DPP10: variants seen among roughly 807,000 people sequenced by gnomAD.
DPP10 encodes dipeptidyl peptidase like 10.
In DPP10, 33 loss-of-function variants were observed where a neutral mutation model predicts 120.9. That is an observed-to-expected ratio of 0.27 (90% CI 0.21 to 0.37). The LOEUF is 0.37. Ranked by LOEUF, DPP10 falls within the 10% of genes least tolerant of loss-of-function variation. The pLI, the probability that DPP10 is intolerant of heterozygous loss-of-function variation, is 1.00. For missense variants in DPP10, 816 were observed against 942.8 expected, an observed-to-expected ratio of 0.87 and a Z score of 1.76; for synonymous variants, 337 against 326.1, an observed-to-expected ratio of 1.03 and a Z score of -0.36.
intron 1 of DPP10, among the ~76,000 whole-genome samples, chr2:115,180,717 C>T (rs2105139167): frequency 6.6e-6 from 1 of 152,260 alleles, no homozygotes; most frequent in Non-Finnish European, 1.5e-5. Context: ...TAGAAATGTA[C>T]ATATGTATGT....
At chr2:115,638,482 C>G (rs12105131) in intron 5 of DPP10, among the ~76,000 whole-genome samples, 13,144 of 152,218 alleles carry the variant, frequency 0.086, 579 homozygotes, top group South Asian at 0.095. Flanking sequence ...GAAAGAGCAG[C>G]TGTTTTTGTG....
chr2:114,927,062 A>C (rs962383008), intron 1 of DPP10, among the ~76,000 whole-genome samples: 3 of 151,732 alleles, frequency 2.0e-5, no homozygotes, highest in Non-Finnish European at 4.4e-5. Flanking sequence ...TGTTAGCCAG[A>C]ATGGTCTCGA....
intron 1 of DPP10, among the ~76,000 whole-genome samples, chr2:114,920,751 G>A (rs188403946): frequency 6.6e-6 from 1 of 152,090 alleles, no homozygotes; most frequent in Non-Finnish European, 1.5e-5. Flanking sequence ...GACCTCCCTT[G>A]TGGCTAATCA....
chr2:115,094,630 T>C (rs1028274683), intron 1 of DPP10, among the ~76,000 whole-genome samples: 1 of 152,150 alleles, frequency 6.6e-6, no homozygotes, highest in Admixed American at 6.6e-5. Context: ...AAACAGTAGC[T>C]CCATGAGTAT....
intron 1 of DPP10, among the ~76,000 whole-genome samples, chr2:114,643,772 G>A (rs1486902238): frequency 6.6e-6 from 1 of 151,448 alleles, no homozygotes; most frequent in African/African-American, 2.4e-5. Flanking sequence ...TTTATTTATT[G>A]GAAGATTCAT....
chr2:115,110,131 C>T (rs956156620), intron 1 of DPP10, among the ~76,000 whole-genome samples: 11 of 152,226 alleles, frequency 7.2e-5, no homozygotes, highest in Non-Finnish European at 1.5e-4. Context: ...ATAATTACCT[C>T]TCGATTTCCC....
At chr2:114,905,737 A>T (rs1426926483) in intron 1 of DPP10, among the ~76,000 whole-genome samples, 2 of 152,118 alleles carry the variant, frequency 1.3e-5, no homozygotes, top group Non-Finnish European at 2.9e-5. Flanking sequence ...TTGTAGAAAC[A>T]GGGTCTCATT....
intron 1 of DPP10, among the ~76,000 whole-genome samples, chr2:115,071,914 A>G (rs538692599): frequency 3.3e-5 from 5 of 152,314 alleles, no homozygotes; most frequent in African/African-American, 9.6e-5. Flanking sequence ...TTTCTTGGCA[A>G]TGACACTGAG....
intron 1 of DPP10, among the ~76,000 whole-genome samples, chr2:114,602,907 A>G (rs186614218): frequency 1.9e-4 from 29 of 152,202 alleles, no homozygotes; most frequent in Admixed American, 7.9e-4. Context: ...CAGTGTATAA[A>G]TTTGAGTTTG....
chr2:115,649,201 T>C (rs2087537360), intron 5 of DPP10, among the ~76,000 whole-genome samples: 1 of 152,110 alleles, frequency 6.6e-6, no homozygotes, highest in African/African-American at 2.4e-5. Context: ...TGCTTATAAA[T>C]GGCTCAAGTG....
chr2:115,251,638 A>C (rs1482109304), intron 1 of DPP10, among the ~76,000 whole-genome samples: 4 of 152,216 alleles, frequency 2.6e-5, no homozygotes, highest in Non-Finnish European at 4.4e-5. Context: ...GAGAATGTGA[A>C]AAAGAATTAT....
chr2:115,314,867 A>G (rs2061718848), intron 2 of DPP10, among the ~76,000 whole-genome samples: 1 of 152,198 alleles, frequency 6.6e-6, no homozygotes, highest in Non-Finnish European at 1.5e-5. Flanking sequence ...AAAAATCAAC[A>G]AAAGAAACCA....
chr2:114,940,229 G>GT (rs752111483), intron 1 of DPP10, among the ~76,000 whole-genome samples: 7 of 151,982 alleles, frequency 4.6e-5, no homozygotes, highest in African/African-American at 1.5e-4. Context: ...GCCTATAACT[G>GT]TAACACTGTG....
chr2:115,695,843 A>G (rs959522386), intron 7 of DPP10, among the ~76,000 whole-genome samples: 1 of 152,202 alleles, frequency 6.6e-6, no homozygotes, highest in Non-Finnish European at 1.5e-5. Context: ...AAATAATGGA[A>G]GTCATGGAAA....
intron 1 of DPP10, among the ~76,000 whole-genome samples, chr2:115,287,895 C>A (rs187547363): frequency 1.2e-3 from 176 of 152,208 alleles, no homozygotes; most frequent in African/African-American, 3.9e-3. Context: ...AATGGTATTT[C>A]CATTTTATTT....
chr2:114,659,367 G>A (rs1004346515), intron 1 of DPP10, among the ~76,000 whole-genome samples: 5 of 151,964 alleles, frequency 3.3e-5, no homozygotes, highest in Admixed American at 3.3e-4. Flanking sequence ...TTGTAAGAAG[G>A]GGTGATAAAA....
chr2:115,354,605 G>A (rs1437883517), intron 3 of DPP10, among the ~76,000 whole-genome samples: 7 of 149,790 alleles, frequency 4.7e-5, no homozygotes, highest in South Asian at 4.2e-4. Context: ...TTTCCTTTAA[G>A]TTCATGTGCA....
At chr2:115,791,244 C>T (rs3738879) in intron 18 of DPP10, 43 bp from the exon 19 acceptor site, 1,276,022 of 1,603,500 alleles carry the variant, frequency 0.8, 508,529 homozygotes, top group East Asian at 0.93. Context: ...GTTTTACCTG[C>T]AAATGACTCT....
intron 1 of DPP10, among the ~76,000 whole-genome samples, chr2:114,556,266 T>TATATATAC (rs1688304610): frequency 7.5e-6 from 1 of 133,104 alleles, no homozygotes; most frequent in Non-Finnish European, 1.6e-5. Context: ...TATATATATA[T>TATATATAC]ATAGGCAAAT....
Sources: gnomAD v4.1 joint callset for allele counts (sites outside exome capture counted in the v4.1 genomes callset) on GRCh38, gnomAD v4.1.1 for gene constraint, MANE v1.5 for transcripts, NCBI Gene and HGNC (gene_info 2026-07-23, HGNC 2026-07-21) for gene names.